Variants in CCDC149 observed in about 807,000 individuals in gnomAD.
The protein encoded by CCDC149 is coiled-coil domain-containing protein 149.
CCDC149 carries 45 observed loss-of-function variants against 59.9 expected under a neutral mutation model. The ratio of observed to expected loss-of-function variants is 0.75; its 90% CI spans 0.59 to 0.96. CCDC149 has a LOEUF of 0.96. Ranked by LOEUF, CCDC149 falls within the 40% of genes least tolerant of loss-of-function variation. CCDC149 has a pLI of 0.00. For missense variants in CCDC149, 584 were observed against 664.7 expected (o/e 0.88, Z 1.33); for synonymous variants, 245 against 260.6 (o/e 0.94, Z 0.58).
At chr4:24,913,742 A>C (rs1331615879), upstream of CCDC149, among the ~76,000 whole-genome samples, 1 of 152,192 alleles carries the variant, frequency 6.6e-6, no homozygotes, top group Non-Finnish European at 1.5e-5. Flanking sequence ...ACAGGAGTTC[A>C]AGAGCAGCCT....
intron 1 of CCDC149, among the ~76,000 whole-genome samples, chr4:24,930,711 T>C (rs981897346): frequency 1.3e-5 from 2 of 152,194 alleles, no homozygotes; most frequent in Admixed American, 1.3e-4. Flanking sequence ...CTAGAAGTTG[T>C]CATACTGAGA....
chr4:24,926,407 C>T (rs1722434419), intron 1 of CCDC149, among the ~76,000 whole-genome samples: 1 of 152,184 alleles, frequency 6.6e-6, no homozygotes, highest in Non-Finnish European at 1.5e-5. Flanking sequence ...CCTGGGTTTC[C>T]AGATAACATA....
At chr4:24,864,151 G>A (rs1017535701) in intron 3 of CCDC149, among the ~76,000 whole-genome samples, 3 of 152,138 alleles carry the variant, frequency 2.0e-5, no homozygotes, top group Admixed American at 2.0e-4. Flanking sequence ...TTAGTTTATT[G>A]TTTAAATAAT....
chr4:24,853,001 G>T, intron 4 of CCDC149, 71 bp downstream of exon 4: 1 of 902,178 alleles, frequency 1.1e-6, no homozygotes, highest in Non-Finnish European at 1.8e-6. Flanking sequence ...ACATTTTTCC[G>T]ATGTGCAATA....
At chr4:24,927,683 G>A (rs2109339930) in intron 1 of CCDC149, among the ~76,000 whole-genome samples, 1 of 152,188 alleles carries the variant, frequency 6.6e-6, no homozygotes, top group South Asian at 2.1e-4. Context: ...GCAGTCAAAT[G>A]CCTATTAAAC....
At chr4:24,835,245 T>C (rs534254575) in intron 7 of CCDC149, among the ~76,000 whole-genome samples, 1 of 152,330 alleles carries the variant, frequency 6.6e-6, no homozygotes, top group East Asian at 1.9e-4. Flanking sequence ...AGGTGGTGCA[T>C]GGCAGAATGA....
chr4:24,922,905 C>A (rs1451795960), intron 1 of CCDC149, among the ~76,000 whole-genome samples: 5 of 152,052 alleles, frequency 3.3e-5, no homozygotes, highest in Non-Finnish European at 7.4e-5. Flanking sequence ...ATTTATTTTT[C>A]CCCTTAGATT....
intron 1 of CCDC149, among the ~76,000 whole-genome samples, chr4:24,886,597 G>A (rs1320919468): frequency 2.6e-5 from 4 of 151,790 alleles, no homozygotes; most frequent in African/African-American, 9.7e-5. Flanking sequence ...CCAACCTGGG[G>A]AGGATCCATG....
At chr4:24,852,484 C>CTT (rs1488070059) in intron 4 of CCDC149, among the ~76,000 whole-genome samples, 1 of 152,082 alleles carries the variant, frequency 6.6e-6, no homozygotes, top group African/African-American at 2.4e-5. Flanking sequence ...CTCAGTTGTA[C>CTT]TTTTGTTCAT....
At position 24,866,804 on chromosome 4, in the gene CCDC149, A is replaced by AAT. The variant is rs1553853369; in HGVS notation, c.264+6875_264+6876dup. 2.6e-3 allele frequency among the ~76,000 whole-genome samples: 277 copies of AAT among 107,230 alleles called. 1 individual carries two copies. The highest frequency in any genetic ancestry group is 9.2e-3 in the African/African-American group (263 of 28,524). The allele number at this position is 107,230 out of a possible 152,430, so 70.3% of individuals were successfully genotyped here. On this transcript the variant is annotated intron_variant, in intron 3 of 12. Transcript: ENST00000635206. Reference sequence around the variant, plus strand: ...ACCCAAAAAGCAAAAAAAAAAAAAAAATATACACACACACACACCCACACA... The same window carrying AAT: ...ACCCAAAAAGCAAAAAAAAAAAAAAAATATATACACACACACACACCCACACA...
chr4:24,818,306 A>G (rs1251013617), intron 12 of CCDC149, among the ~76,000 whole-genome samples: 1 of 152,208 alleles, frequency 6.6e-6, no homozygotes, highest in Non-Finnish European at 1.5e-5. Context: ...AGAAGTCCAC[A>G]GAGTATTCAG....
At chr4:24,945,843 A>G (rs1723093426) in intron 1 of CCDC149, among the ~76,000 whole-genome samples, 1 of 152,004 alleles carries the variant, frequency 6.6e-6, no homozygotes. Flanking sequence ...ACTGGTCTTG[A>G]ACTCCTGACC....
At chr4:24,892,689 A>G (rs2109288659) in intron 1 of CCDC149, among the ~76,000 whole-genome samples, 1 of 152,266 alleles carries the variant, frequency 6.6e-6, no homozygotes, top group East Asian at 1.9e-4. Context: ...TATATAAAAT[A>G]CTGTCCAGTG....
At position 24,912,904 on chromosome 4, in the gene CCDC149, C is replaced by T. The variant is rs1444883141; in HGVS notation, c.-25G>A. 2.3e-6 allele frequency: 3 copies of T among 1,295,334 alleles called. No individual in the cohort carries two copies. Among genetic ancestry groups the T allele is most frequent in the Admixed American group, 5.6e-5 (2 of 35,904 alleles). The allele number at this position is 1,295,334 out of a possible 1,614,324, so 80.2% of individuals were successfully genotyped here. ...TGCGCTGGCCGGCCTCCTGGACCCC[C>T]GCCGCCTCCTCCTCCTCGCGACGTC... On this transcript the variant is annotated 5_prime_UTR_variant, in exon 1 of 13. Coordinates refer to ENST00000635206, the MANE Select transcript of CCDC149 (RefSeq NM_001330643.2).
intron 1 of CCDC149, among the ~76,000 whole-genome samples, chr4:24,962,653 T>C (rs1723668982): frequency 6.6e-6 from 1 of 151,864 alleles, no homozygotes; most frequent in African/African-American, 2.4e-5. Flanking sequence ...AAGCACCTCA[T>C]GTTCTCACTC....
intron 1 of CCDC149, among the ~76,000 whole-genome samples, chr4:24,963,361 T>TA (rs1332041044): frequency 6.6e-6 from 1 of 152,162 alleles, no homozygotes; most frequent in East Asian, 1.9e-4. Context: ...GCAGCATTTA[T>TA]GGGTGAACAG....
In CCDC149 at chr4:24,939,507, C is replaced by T. The variant is rs181338190; in HGVS notation, c.-65+40562G>A. Among the ~76,000 whole-genome samples, 392 of 152,272 alleles carry T rather than the reference C, an allele frequency of 2.6e-3. 4 individuals carry two copies. The highest frequency in any genetic ancestry group is 8.5e-3 in the African/African-American group (355 of 41,544). On this transcript the variant is annotated intron_variant, in intron 1 of 12. Transcript: ENST00000389609. ...GAGTGCCTCTCCTCCTCCAAAGGAA[C>T]GCAGCTCCTCACCAGCAACGGAACA... is the stretch of plus-strand genomic sequence containing the variant.
rs533423101 is a variant in CCDC149, at chr4:24,900,817, C to T, written c.63+12000G>A. 5.3e-5 allele frequency among the ~76,000 whole-genome samples: 8 copies of T among 152,270 alleles called. No homozygotes were observed. The South Asian group carries it at 1.7e-3, about 32-fold the overall frequency. Reference sequence around the variant, plus strand: ...TTAAAGGACTGGTGAAGGCTGTGGACAGAGAAGAAGGGGGAGGCCCACCTG... The same window carrying T: ...TTAAAGGACTGGTGAAGGCTGTGGATAGAGAAGAAGGGGGAGGCCCACCTG... On this transcript the variant is annotated intron_variant, in intron 1 of 12. Coordinates refer to ENST00000635206, the MANE Select transcript of CCDC149 (RefSeq NM_001330643.2).
intron 3 of CCDC149, among the ~76,000 whole-genome samples, chr4:24,867,785 A>G (rs1718789228): frequency 6.6e-6 from 1 of 152,246 alleles, no homozygotes; most frequent in Non-Finnish European, 1.5e-5. Flanking sequence ...AAATCCAACA[A>G]GGGGCGATCA....
Sources: allele counts gnomAD v4.1 joint callset (sites outside exome capture counted in the v4.1 genomes callset), GRCh38; gene constraint gnomAD v4.1.1; transcripts MANE v1.5; gene names NCBI Gene and HGNC (gene_info 2026-07-23, HGNC 2026-07-21).